KHDRBS2: variants seen among roughly 807,000 people sequenced by gnomAD.
The protein encoded by KHDRBS2 is KH RNA binding domain containing, signal transduction associated 2, also known as KH domain-containing, RNA-binding, signal transduction-associated protein 2.
A neutral mutation model predicts 44.3 loss-of-function variants in KHDRBS2; 26 were observed. That is an observed-to-expected ratio of 0.59 (90% CI 0.43 to 0.81). The LOEUF (loss-of-function observed/expected upper bound fraction) is 0.81. Ranked by LOEUF, KHDRBS2 falls within the 40% of genes least tolerant of loss-of-function variation. KHDRBS2 has a pLI of 0.00. For missense variants in KHDRBS2, 476 were observed against 433.1 expected (o/e 1.10, Z -0.88); for synonymous variants, 194 against 151.1 (o/e 1.28, Z -2.08).
At chr6:62,213,332 T>C (rs1277264622) in intron 1 of KHDRBS2, among the ~76,000 whole-genome samples, 11 of 151,792 alleles carry the variant, frequency 7.2e-5, no homozygotes, top group Non-Finnish European at 4.4e-5. Flanking sequence ...AGGTTGCAGT[T>C]GCATAGCGCA....
chr6:62,042,969 T>C (rs757517555), intron 3 of KHDRBS2, among the ~76,000 whole-genome samples: 55 of 152,076 alleles, frequency 3.6e-4, no homozygotes, highest in Non-Finnish European at 1.5e-4. Flanking sequence ...AATGCCAAAA[T>C]ACCTTTCATT....
intron 3 of KHDRBS2, among the ~76,000 whole-genome samples, chr6:62,035,805 T>C (rs1378787696): frequency 6.6e-6 from 1 of 151,926 alleles, no homozygotes; most frequent in Middle Eastern, 3.2e-3. Flanking sequence ...GTAAAAACAT[T>C]TCTAAAAATG....
chr6:61,934,359 C>CA (rs966752531), intron 4 of KHDRBS2, among the ~76,000 whole-genome samples: 1 of 151,932 alleles, frequency 6.6e-6, no homozygotes, highest in Non-Finnish European at 1.5e-5. Context: ...AGGTCTTATC[C>CA]AAAAAATCCT....
intron 6 of KHDRBS2, among the ~76,000 whole-genome samples, chr6:61,866,010 C>G (rs1183823158): frequency 6.6e-6 from 1 of 152,188 alleles, no homozygotes; most frequent in Non-Finnish European, 1.5e-5. Flanking sequence ...GTGTCTCCAG[C>G]TTCCAGGTGC....
At chr6:62,276,156 C>A (rs1169583635) in intron 1 of KHDRBS2, among the ~76,000 whole-genome samples, 1 of 152,156 alleles carries the variant, frequency 6.6e-6, no homozygotes, top group Non-Finnish European at 1.5e-5. Flanking sequence ...AGAGTAAAAT[C>A]TAATCTTTAA....
chr6:62,101,326 T>A (rs1395886615), intron 2 of KHDRBS2, among the ~76,000 whole-genome samples: 1 of 152,110 alleles, frequency 6.6e-6, no homozygotes, highest in Non-Finnish European at 1.5e-5. Flanking sequence ...TCAAAGGAGT[T>A]GACTGAGCTT....
At chr6:62,174,887 T>C (rs1820771806) in intron 2 of KHDRBS2, among the ~76,000 whole-genome samples, 1 of 151,752 alleles carries the variant, frequency 6.6e-6, no homozygotes, top group African/African-American at 2.4e-5. Context: ...TAACAGCTCA[T>C]AGTATTACAC....
At chr6:61,561,659 A>G in the KHDRBS2 span, among the ~76,000 whole-genome samples, 1 of 152,102 alleles carries the variant, frequency 6.6e-6, no homozygotes. Context: ...TTGCCATGGT[A>G]TCACTGATGT....
chr6:61,870,892 G>A lies in KHDRBS2; in HGVS notation c.810+23743C>T, dbSNP rs116349103. 3.8e-3 allele frequency among the ~76,000 whole-genome samples: 572 copies of A among 152,304 alleles called. 4 individuals are homozygous for A. Among genetic ancestry groups the A allele is most frequent in the Middle Eastern group, 0.014 (4 of 294 alleles). On this transcript the variant is annotated intron_variant, in intron 6 of 8. Transcript: ENST00000281156. ...GACCAAAGGTAGATAAATGCACAAA[G>A]ATGTGGAGAAACCAGTGCAAAAAGG... is the stretch of plus-strand genomic sequence containing the variant.
At chr6:61,785,950 C>A (rs1783738066) in intron 6 of KHDRBS2, among the ~76,000 whole-genome samples, 2 of 151,900 alleles carry the variant, frequency 1.3e-5, no homozygotes, top group Admixed American at 6.6e-5. Context: ...TTACATATAT[C>A]TGTTTTTCTG....
intron 1 of KHDRBS2, among the ~76,000 whole-genome samples, chr6:62,265,857 T>G (rs1184437101): frequency 6.6e-6 from 1 of 152,078 alleles, no homozygotes; most frequent in Non-Finnish European, 1.5e-5. Flanking sequence ...ACATACTATT[T>G]GAAATAATTC....
chr6:62,272,422 G>T (rs923285140), intron 1 of KHDRBS2, among the ~76,000 whole-genome samples: 4 of 152,102 alleles, frequency 2.6e-5, no homozygotes, highest in Admixed American at 6.6e-5. Context: ...GACCTATGTA[G>T]CAGGCTGAGT....
chr6:62,137,147 C>T (rs1811742697), intron 2 of KHDRBS2, among the ~76,000 whole-genome samples: 1 of 151,680 alleles, frequency 6.6e-6, no homozygotes, highest in Non-Finnish European at 1.5e-5. Context: ...ACTACAGGCA[C>T]CCGCCACCAT....
At chr6:62,126,107 C>T (rs1470356821) in intron 2 of KHDRBS2, among the ~76,000 whole-genome samples, 7 of 152,126 alleles carry the variant, frequency 4.6e-5, no homozygotes, top group Admixed American at 3.9e-4. Context: ...GCCAGCAGGG[C>T]ACCTACTGCC....
the KHDRBS2 span, among the ~76,000 whole-genome samples, chr6:61,569,371 G>T: frequency 6.6e-6 from 1 of 152,080 alleles, no homozygotes; most frequent in Non-Finnish European, 1.5e-5. Flanking sequence ...CATCACCTGA[G>T]AAGCTAAAAT....
chr6:61,892,212 T>C (rs1324604222), intron 6 of KHDRBS2, among the ~76,000 whole-genome samples: 4 of 152,042 alleles, frequency 2.6e-5, no homozygotes, highest in African/African-American at 9.7e-5. Flanking sequence ...AAGGACCTCT[T>C]CAAGGAGAAC....
intron 1 of KHDRBS2, among the ~76,000 whole-genome samples, chr6:62,263,428 C>T (rs1354243123): frequency 2.0e-5 from 3 of 151,582 alleles, no homozygotes; most frequent in Admixed American, 6.6e-5. Flanking sequence ...AGAGTTGCTG[C>T]ATATTGTCTC....
chr6:61,624,322 T>C, the KHDRBS2 span, among the ~76,000 whole-genome samples: 1 of 152,194 alleles, frequency 6.6e-6, no homozygotes, highest in East Asian at 1.9e-4. Flanking sequence ...CCAAGGCTTA[T>C]CCAGCTATTG....
intron 6 of KHDRBS2, among the ~76,000 whole-genome samples, chr6:61,811,881 G>T (rs2051395058): frequency 6.6e-6 from 1 of 151,914 alleles, no homozygotes; most frequent in Non-Finnish European, 1.5e-5. Flanking sequence ...GTACAATTCG[G>T]TTTACACTTA....
Sources: allele counts gnomAD v4.1 joint callset (sites outside exome capture counted in the v4.1 genomes callset), GRCh38; gene constraint gnomAD v4.1.1; transcripts MANE v1.5; gene names NCBI Gene and HGNC (gene_info 2026-07-23, HGNC 2026-07-21).